The following PKD1L1 variants were observed in gnomAD, a reference collection of about 807,000 sequenced individuals.
PKD1L1 encodes polycystin 1 like 1, transient receptor potential channel interacting, also known as polycystin-1-like protein 1.
PKD1L1 carries 236 observed loss-of-function variants against 323.4 expected under a neutral mutation model. That is an observed-to-expected ratio of 0.73 (90% CI 0.66 to 0.81). The LOEUF (loss-of-function observed/expected upper bound fraction) is 0.81, where lower values mean the gene tolerates loss of function less well. Ranked by LOEUF, PKD1L1 falls within the 40% of genes least tolerant of loss-of-function variation. PKD1L1 has a pLI of 0.00. For synonymous variants in PKD1L1, 1,344 were observed against 1,335.0 expected (o/e 1.01, Z -0.15); for missense variants, 3,320 against 3,508.0 (o/e 0.95, Z 1.35).
chr7:47,927,256 GA>G (rs1177432739), intron 7 of PKD1L1, among the ~76,000 whole-genome samples: 4 of 147,878 alleles, frequency 2.7e-5, no homozygotes, highest in South Asian at 4.3e-4. Context: ...ATAACAAATT[GA>G]AAAAAAAAGT....
At chr7:47,821,955 C>T (rs1261093899) in intron 45 of PKD1L1, among the ~76,000 whole-genome samples, 1 of 152,120 alleles carries the variant, frequency 6.6e-6, no homozygotes, top group Admixed American at 6.5e-5. Context: ...TCCCAAAGTG[C>T]TTGGATTACA....
At chr7:47,830,266 G>T (rs1468252196) in intron 42 of PKD1L1, 142 bp from the exon 43 acceptor site, 2 of 659,628 alleles carry the variant, frequency 3.0e-6, no homozygotes, top group Non-Finnish European at 5.3e-6. Context: ...GGGTGGTGCT[G>T]GACATGGGCA....
intron 26 of PKD1L1, among the ~76,000 whole-genome samples, chr7:47,861,891 A>C (rs1786036027): frequency 1.4e-5 from 2 of 143,802 alleles, no homozygotes; most frequent in Non-Finnish European, 3.0e-5. Flanking sequence ...AAAAAAAAAA[A>C]AAAAAAAAAA....
intron 14 of PKD1L1, among the ~76,000 whole-genome samples, chr7:47,894,324 T>C (rs922930642): frequency 1.4e-4 from 21 of 152,128 alleles, no homozygotes; most frequent in Admixed American, 1.2e-3. Flanking sequence ...GTGAACACAA[T>C]AGAGACTTTC....
intron 32 of PKD1L1, among the ~76,000 whole-genome samples, chr7:47,846,642 C>T (rs6960341): frequency 0.014 from 2,114 of 152,304 alleles, 49 homozygotes; most frequent in African/African-American, 0.047. Flanking sequence ...AGGAGGAATA[C>T]GAGGACAGTC....
At chr7:47,936,812 A>T in intron 4 of PKD1L1, 34 bp downstream of exon 4, 1 of 1,476,226 alleles carries the variant, frequency 6.8e-7, no homozygotes, top group African/African-American at 1.4e-5. Context: ...GCATGTTCAG[A>T]AAAGCAATAT....
upstream of PKD1L1, among the ~76,000 whole-genome samples, chr7:47,949,998 CTTG>C: frequency 6.6e-6 from 1 of 152,192 alleles, no homozygotes. Context: ...CCCCACTGTG[CTTG>C]TTGTGAGTAA....
chr7:47,904,801 T>C (rs1426651269), intron 11 of PKD1L1, among the ~76,000 whole-genome samples, 184 bp from the exon 12 acceptor site: 1 of 152,142 alleles, frequency 6.6e-6, no homozygotes, highest in South Asian at 2.1e-4. Flanking sequence ...GGTTGATATT[T>C]TTGACTACCC....
chr7:47,860,045 T>C (rs1166116262), intron 26 of PKD1L1, among the ~76,000 whole-genome samples: 1 of 152,222 alleles, frequency 6.6e-6, no homozygotes, highest in Non-Finnish European at 1.5e-5. Flanking sequence ...GAATATTTTT[T>C]CTTCTATTCT....
intron 34 of PKD1L1, among the ~76,000 whole-genome samples, chr7:47,842,476 C>T (rs991987087): frequency 5.9e-5 from 9 of 152,146 alleles, no homozygotes; most frequent in Non-Finnish European, 1.0e-4. Flanking sequence ...ATGGCTCTGC[C>T]GGGCTCAATT....
chr7:47,939,811 C>T (rs980680874), intron 3 of PKD1L1, among the ~76,000 whole-genome samples: 62 of 152,048 alleles, frequency 4.1e-4, no homozygotes, highest in African/African-American at 1.3e-3. Context: ...CCGGGGATAG[C>T]CCCCACTCCC....
chr7:47,882,511 A>G (rs930831905), intron 19 of PKD1L1, among the ~76,000 whole-genome samples: 2 of 152,168 alleles, frequency 1.3e-5, no homozygotes, highest in Non-Finnish European at 2.9e-5. Context: ...AAAGCGGGGT[A>G]TGCAGAGGAA....
intron 55 of PKD1L1, among the ~76,000 whole-genome samples, chr7:47,795,676 C>T (rs991910242): frequency 6.6e-6 from 1 of 152,146 alleles, no homozygotes; most frequent in Non-Finnish European, 1.5e-5. Context: ...AAATGACTAA[C>T]TCAGGGGACA....
chr7:47,904,275 G>T, intron 12 of PKD1L1, 103 bp downstream of exon 12: 1 of 1,489,298 alleles, frequency 6.7e-7, no homozygotes, highest in South Asian at 1.2e-5. Context: ...CACCTACGTT[G>T]ACTGACAGGC....
chr7:47,943,615 A>G (rs1788042215), intron 1 of PKD1L1, 104 bp from the exon 2 acceptor site: 1 of 910,548 alleles, frequency 1.1e-6, no homozygotes. Context: ...TTCTGCCACA[A>G]AAGTATTAAG....
chr7:47,957,512 T>G, the PKD1L1 span, among the ~76,000 whole-genome samples: 1 of 152,222 alleles, frequency 6.6e-6, no homozygotes, highest in African/African-American at 2.4e-5. Context: ...AAAACTAGTA[T>G]TATTTCTTTT....
intron 1 of PKD1L1, among the ~76,000 whole-genome samples, chr7:47,945,396 C>A (rs2128759641): frequency 6.6e-6 from 1 of 152,248 alleles, no homozygotes; most frequent in Middle Eastern, 3.4e-3. Flanking sequence ...GAAGCCGCCA[C>A]CAGAGGGCAG....
At chr7:47,813,551 C>T (rs1179180037) in intron 48 of PKD1L1, 2 of 679,882 alleles carry the variant, frequency 2.9e-6, no homozygotes, top group East Asian at 5.7e-5. Context: ...TTGAAGACTT[C>T]CCCATCATGA....
At chr7:47,858,487 T>C (rs560704341) in intron 27 of PKD1L1, among the ~76,000 whole-genome samples, 186 bp downstream of exon 27, 24 of 152,328 alleles carry the variant, frequency 1.6e-4, no homozygotes, top group Admixed American at 1.2e-3. Context: ...AACATTATAA[T>C]ATTACCATGA....
Sources: gnomAD v4.1 joint callset for allele counts (sites outside exome capture counted in the v4.1 genomes callset) on GRCh38, gnomAD v4.1.1 for gene constraint, MANE v1.5 for transcripts, NCBI Gene and HGNC (gene_info 2026-07-23, HGNC 2026-07-21) for gene names.